Variants in LRTM3 observed in about 807,000 individuals in gnomAD.
LRTM3 encodes the protein leucine-rich repeat transmembrane protein 3.
At chr13:102,730,071 G>A in the LRTM3 span, 1 of 1,551,196 alleles carries the variant, frequency 6.4e-7, no homozygotes, top group Non-Finnish European at 8.7e-7. Context: ...AACCAGTCAG[G>A]AGATTTCATT....
chr13:102,747,213 G>T, the LRTM3 span: 1 of 1,550,582 alleles, frequency 6.4e-7, no homozygotes, highest in Non-Finnish European at 8.7e-7. Context: ...ATATGACTGT[G>T]ATTCTCTGCA....
the LRTM3 span, chr13:102,744,948 T>A: frequency 6.4e-7 from 1 of 1,550,680 alleles, no homozygotes; most frequent in African/African-American, 1.4e-5. Flanking sequence ...ACACCACGTT[T>A]TATTGCACCA....
chr13:102,734,664 G>A, the LRTM3 span: 2 of 1,551,000 alleles, frequency 1.3e-6, no homozygotes, highest in African/African-American at 1.4e-5. Context: ...GACTCTCTAT[G>A]TACAGTCTCC....
chr13:102,739,633 C>G, the LRTM3 span: 1 of 1,550,362 alleles, frequency 6.5e-7, no homozygotes, highest in African/African-American at 1.4e-5. Flanking sequence ...GTATATGTGA[C>G]AGTGATGACT....
the LRTM3 span, chr13:102,729,473 A>G: frequency 6.9e-7 from 1 of 1,457,066 alleles, no homozygotes; most frequent in African/African-American, 1.4e-5. Context: ...AACGGTAGTA[A>G]GGGACCCCGA....
the LRTM3 span, among the ~76,000 whole-genome samples, chr13:102,751,492 G>A: frequency 1.3e-5 from 2 of 152,052 alleles, no homozygotes; most frequent in East Asian, 1.9e-4. Context: ...GGAATCTGAC[G>A]TTTTGAAGGT....
chr13:102,740,091 G>T, the LRTM3 span: 830 of 1,549,276 alleles, frequency 5.4e-4, 7 homozygotes, highest in African/African-American at 0.01. Flanking sequence ...GTTATAGGCA[G>T]ACATACTTCT....
chr13:102,739,934 T>C, the LRTM3 span: 26 of 1,550,218 alleles, frequency 1.7e-5, no homozygotes, highest in Non-Finnish European at 2.1e-5. Context: ...GTCACTGGTA[T>C]TGAGTATATG....
chr13:102,750,222 T>C, the LRTM3 span: 2 of 1,551,324 alleles, frequency 1.3e-6, no homozygotes, highest in Admixed American at 2.0e-5. Context: ...CTGATTCCAT[T>C]TGAAGATGGC....
At chr13:102,743,130 T>C in the LRTM3 span, 3 of 1,550,576 alleles carry the variant, frequency 1.9e-6, no homozygotes, top group South Asian at 3.6e-5. Flanking sequence ...AATGGATCCA[T>C]TTCTGTAAGA....
At chr13:102,742,197 G>C in the LRTM3 span, 1 of 1,550,536 alleles carries the variant, frequency 6.4e-7, no homozygotes, top group Non-Finnish European at 8.7e-7. Context: ...GACTTCTGCT[G>C]CTGGATGTTA....
chr13:102,755,413 A>T, the LRTM3 span, among the ~76,000 whole-genome samples: 2 of 152,206 alleles, frequency 1.3e-5, no homozygotes, highest in East Asian at 3.8e-4. Flanking sequence ...ATGCTCATCA[A>T]TGATAGACTG....
the LRTM3 span, among the ~76,000 whole-genome samples, chr13:102,753,197 C>A: frequency 1.6e-4 from 25 of 152,118 alleles, no homozygotes; most frequent in Non-Finnish European, 3.2e-4. Context: ...TGGAAACCAT[C>A]ATTCTCACCA....
the LRTM3 span, chr13:102,731,351 C>A: frequency 1.1e-5 from 17 of 1,551,184 alleles, no homozygotes; most frequent in South Asian, 1.5e-4. Flanking sequence ...TGAAATAGTC[C>A]CTTTTGGATA....
At chr13:102,735,084 G>T in the LRTM3 span, 4 of 1,551,206 alleles carry the variant, frequency 2.6e-6, no homozygotes, top group Middle Eastern at 1.7e-4. Context: ...GATCTAGAAG[G>T]ACTCTTAGAC....
the LRTM3 span, chr13:102,749,544 C>T: frequency 6.4e-7 from 1 of 1,551,344 alleles, no homozygotes; most frequent in East Asian, 2.4e-5. Flanking sequence ...GACTCCAGGC[C>T]CTTTACTGAA....
At chr13:102,732,954 C>A in the LRTM3 span, 1 of 1,551,392 alleles carries the variant, frequency 6.4e-7, no homozygotes. Context: ...GGAAGAAATT[C>A]CAGAACACCT....
chr13:102,745,171 C>T, the LRTM3 span: 1 of 1,550,840 alleles, frequency 6.4e-7, no homozygotes, highest in Non-Finnish European at 8.7e-7. Context: ...AGTCAAGATC[C>T]TTCCCCTGAC....
the LRTM3 span, chr13:102,737,508 C>A: frequency 1.3e-6 from 2 of 1,550,468 alleles, no homozygotes; most frequent in Non-Finnish European, 1.7e-6. Context: ...TCCCTGTTCC[C>A]TTGCTCCTCA....
Sources: allele counts gnomAD v4.1 joint callset (sites outside exome capture counted in the v4.1 genomes callset), GRCh38; gene constraint gnomAD v4.1.1; transcripts MANE v1.5; gene names NCBI Gene and HGNC (gene_info 2026-07-23, HGNC 2026-07-21).